COL8A1: variants seen among roughly 807,000 people sequenced by gnomAD.
COL8A1 encodes the protein collagen type VIII alpha 1 chain, also known as collagen alpha-1(VIII) chain.
A neutral mutation model predicts 42.7 loss-of-function variants in COL8A1; 21 were observed. That is an observed-to-expected ratio of 0.49 (90% CI 0.35 to 0.71). The LOEUF is 0.71. Among genes scored for constraint, COL8A1 ranks in the 30% least tolerant of loss-of-function variants. COL8A1 has a pLI of 0.01. For synonymous variants in COL8A1, 367 were observed against 369.1 expected, an observed-to-expected ratio of 0.99 and a Z score of 0.06; for missense variants, 788 against 962.4, an observed-to-expected ratio of 0.82 and a Z score of 2.40.
At chr3:99,646,154 T>A (rs1282133475) in intron 1 of COL8A1, among the ~76,000 whole-genome samples, 1 of 152,164 alleles carries the variant, frequency 6.6e-6, no homozygotes, top group African/African-American at 2.4e-5. Flanking sequence ...GGGGATGGCT[T>A]GTTAAGACTT....
At chr3:99,718,394 C>T (rs1940060447) in intron 1 of COL8A1, among the ~76,000 whole-genome samples, 1 of 152,014 alleles carries the variant, frequency 6.6e-6, no homozygotes, top group African/African-American at 2.4e-5. Context: ...CAAACATTTT[C>T]TTGTTTCTCC....
chr3:99,658,923 C>T (rs937324176), intron 1 of COL8A1, among the ~76,000 whole-genome samples: 1 of 152,156 alleles, frequency 6.6e-6, no homozygotes, highest in Admixed American at 6.5e-5. Flanking sequence ...AGTCTAAGGA[C>T]TACCTGCGTC....
chr3:99,690,555 AC>A (rs1939186693), intron 1 of COL8A1, among the ~76,000 whole-genome samples: 1 of 152,138 alleles, frequency 6.6e-6, no homozygotes. Flanking sequence ...ACTGCCTTGC[AC>A]CCCCAGGGAC....
chr3:99,653,072 T>C (rs1232665873), intron 1 of COL8A1, among the ~76,000 whole-genome samples: 3 of 152,150 alleles, frequency 2.0e-5, no homozygotes, highest in African/African-American at 7.2e-5. Context: ...CCTCTCAGGA[T>C]TGATGTGAAA....
chr3:99,777,823 G>T (rs1941722336), intron 2 of COL8A1, among the ~76,000 whole-genome samples: 1 of 152,166 alleles, frequency 6.6e-6, no homozygotes, highest in South Asian at 2.1e-4. Context: ...GCAGCTAACG[G>T]AAATACACTT....
At chr3:99,642,559 T>C (rs920572605) in intron 1 of COL8A1, among the ~76,000 whole-genome samples, 7 of 152,234 alleles carry the variant, frequency 4.6e-5, no homozygotes, top group Non-Finnish European at 7.3e-5. Flanking sequence ...CAATTCACCT[T>C]CGGTGTCCTC....
chr3:99,697,397 G>T (rs1010318757), intron 1 of COL8A1, among the ~76,000 whole-genome samples: 6 of 152,176 alleles, frequency 3.9e-5, no homozygotes, highest in African/African-American at 1.2e-4. Flanking sequence ...GCTTTGGAAT[G>T]ATTAGATCTG....
chr3:99,705,267 A>G (rs1473720471), intron 1 of COL8A1, among the ~76,000 whole-genome samples: 1 of 152,220 alleles, frequency 6.6e-6, no homozygotes, highest in African/African-American at 2.4e-5. Flanking sequence ...TAACAAATTT[A>G]TGGAGCCTCT....
At position 99,680,448 on chromosome 3, in the gene COL8A1, A is replaced by G. The variant is rs573270700; in HGVS notation, c.-129+41784A>G. On this transcript the variant is annotated intron_variant, in intron 1 of 3. Transcript: ENST00000652472. The stretch of plus-strand genomic sequence containing the variant: ...CTTTGCTATTGTGAATAGTGCCGCA[A>G]TAAACATACATGTGCATGTGTCTTC... 285 of 152,336 alleles carry G rather than the reference A, an allele frequency of 1.9e-3. 2 individuals are homozygous for G. Among genetic ancestry groups the G allele is most frequent in the African/African-American group, 6.6e-3 (274 of 41,560 alleles). 9.4% of individuals were successfully genotyped at this position (152,336 alleles called of 1,614,324 possible). A position where few individuals can be genotyped will look rare whatever the true frequency, so the allele number is the denominator to read the frequency against.
intron 1 of COL8A1, among the ~76,000 whole-genome samples, chr3:99,672,189 CG>C (rs1197254902): frequency 1.3e-5 from 2 of 151,996 alleles, no homozygotes; most frequent in Non-Finnish European, 2.9e-5. Context: ...AATTAATTAA[CG>C]TCCTTGTTTT....
chr3:99,679,002 C>T (rs1290313709), intron 1 of COL8A1: 1 of 152,210 alleles, frequency 6.6e-6, no homozygotes, highest in African/African-American at 2.4e-5. Flanking sequence ...CACATACTCA[C>T]TCTATCCACA....
rs569407306 is a variant in COL8A1 at position 99,787,833 on chromosome 3, T to C, written c.-3-2847T>C. Among the ~76,000 whole-genome samples, 10 of 150,978 alleles carry C rather than the reference T, an allele frequency of 6.6e-5. 1 individual carries two copies. The East Asian group carries it at 2.0e-3, about 30-fold the overall frequency. On this transcript the variant is annotated intron_variant, in intron 2 of 3. Coordinates refer to ENST00000652472, the MANE Select transcript of COL8A1 (RefSeq NM_020351.4). ...AGATTCAATGTTCACACACATTAGA[T>C]ATGCTTATGTTCAAGAACACAAATA...
chr3:99,681,469 A>C (rs1250103501), intron 1 of COL8A1, among the ~76,000 whole-genome samples: 1 of 152,204 alleles, frequency 6.6e-6, no homozygotes, highest in African/African-American at 2.4e-5. Context: ...TGGAGGGAGG[A>C]ATTAAAAAAA....
At chr3:99,766,173 G>A (rs945031854) in intron 2 of COL8A1, among the ~76,000 whole-genome samples, 1 of 152,146 alleles carries the variant, frequency 6.6e-6, no homozygotes, top group African/African-American at 2.4e-5. Flanking sequence ...TAATTGTCAG[G>A]CATCACCATT....
chr3:99,697,081 G>A (rs1182575554), intron 1 of COL8A1, among the ~76,000 whole-genome samples: 1 of 143,310 alleles, frequency 7.0e-6, no homozygotes, highest in Non-Finnish European at 1.5e-5. Flanking sequence ...CCGCCTCCCG[G>A]GTTCACGCCA....
At chr3:99,702,557 G>A (rs1939570510) in intron 1 of COL8A1, among the ~76,000 whole-genome samples, 1 of 152,176 alleles carries the variant, frequency 6.6e-6, no homozygotes, top group African/African-American at 2.4e-5. Context: ...CAATACAGGG[G>A]AGATTTCAAT....
At chr3:99,741,324 A>C (rs1208891107) in intron 1 of COL8A1, among the ~76,000 whole-genome samples, 1 of 152,050 alleles carries the variant, frequency 6.6e-6, no homozygotes, top group Non-Finnish European at 1.5e-5. Flanking sequence ...GGATACTAAG[A>C]CTGTTTTTTA....
At chr3:99,733,093 G>T (rs976072439) in intron 1 of COL8A1, among the ~76,000 whole-genome samples, 1 of 150,384 alleles carries the variant, frequency 6.6e-6, no homozygotes, top group Non-Finnish European at 1.5e-5. Flanking sequence ...GCTTTGCAGG[G>T]TACAGCCTCT....
intron 1 of COL8A1, among the ~76,000 whole-genome samples, chr3:99,728,846 A>T (rs894203471): frequency 6.6e-6 from 1 of 151,878 alleles, no homozygotes; most frequent in Non-Finnish European, 1.5e-5. Context: ...TTTGCTCTAT[A>T]CTCTCAAATA....
Sources: allele counts gnomAD v4.1 joint callset (sites outside exome capture counted in the v4.1 genomes callset), GRCh38; gene constraint gnomAD v4.1.1; transcripts MANE v1.5; gene names NCBI Gene and HGNC (gene_info 2026-07-23, HGNC 2026-07-21).